The following NR1H4 variants were observed in gnomAD, a reference collection of about 807,000 sequenced individuals.
NR1H4 encodes bile acid receptor.
A neutral mutation model predicts 58.5 loss-of-function variants in NR1H4; 23 were observed. That is an observed-to-expected ratio of 0.39 (90% CI 0.28 to 0.56). NR1H4 has a LOEUF of 0.56. Among genes scored for constraint, NR1H4 ranks in the 20% least tolerant of loss-of-function variants. The pLI is 0.58. For missense variants in NR1H4, 487 were observed against 576.9 expected, an observed-to-expected ratio of 0.84 and a Z score of 1.60; for synonymous variants, 214 against 198.0, an observed-to-expected ratio of 1.08 and a Z score of -0.68.
intron 3 of NR1H4, among the ~76,000 whole-genome samples, chr12:100,508,195 G>A (rs945018228): frequency 5.3e-5 from 8 of 152,104 alleles, no homozygotes; most frequent in Admixed American, 6.6e-5. Flanking sequence ...TTAGTGAGAT[G>A]AAGCCCTGGA....
At position 100,558,082 on chromosome 12, in the gene NR1H4, C is replaced by T. The variant is rs558258455; in HGVS notation, c.1079-3803C>T. 2.0e-4 allele frequency among the ~76,000 whole-genome samples: 30 copies of T among 151,796 alleles called. No individual in the cohort carries two copies. The East Asian group carries it at 2.9e-3, about 15-fold the overall frequency. On this transcript the variant is annotated intron_variant, in intron 9 of 10. Transcript: ENST00000392986. The stretch of plus-strand genomic sequence containing the variant: ...TGTTTTTAGAGATAGCATCTTGGCC[C>T]GGGCGTGGTGGCTCACGCCTATAAT...
chr12:100,528,056 C>T (rs1316389693), intron 4 of NR1H4, among the ~76,000 whole-genome samples: 3 of 152,174 alleles, frequency 2.0e-5, no homozygotes, highest in Non-Finnish European at 4.4e-5. Flanking sequence ...TCTAGTTACT[C>T]ACCTCTGTGT....
intron 4 of NR1H4, among the ~76,000 whole-genome samples, chr12:100,513,919 A>G (rs1954197136): frequency 6.6e-6 from 1 of 152,244 alleles, no homozygotes; most frequent in African/African-American, 2.4e-5. Context: ...GAATTAAAAT[A>G]AACAAAAATA....
At chr12:100,536,688 A>G (rs1566465135) in intron 7 of NR1H4, 78 bp downstream of exon 7, 1 of 799,866 alleles carries the variant, frequency 1.3e-6, no homozygotes, top group Non-Finnish European at 2.2e-6. Flanking sequence ...GGTATAATTT[A>G]TATGTGAATA....
chr12:100,548,371 A>T (rs1221190992), intron 9 of NR1H4, among the ~76,000 whole-genome samples: 3 of 74,352 alleles, frequency 4.0e-5, no homozygotes, highest in Non-Finnish European at 6.7e-5. Context: ...CATCTCAATT[A>T]AAAAAAAAAA....
chr12:100,481,468 G>A lies in NR1H4; in HGVS notation c.-190+7409G>A, dbSNP rs371463347. 5.3e-5 allele frequency among the ~76,000 whole-genome samples: 8 copies of A among 152,124 alleles called. No homozygotes were observed. The East Asian group carries it at 1.2e-3, about 22-fold the overall frequency. ...GAAGAGAATTAACAACGGGAAATTCGCGAGATTAATTAAAACTATTTCCGG... is the reference window on the plus strand; with the variant it reads ...GAAGAGAATTAACAACGGGAAATTCACGAGATTAATTAAAACTATTTCCGG... On this transcript the variant is annotated intron_variant, in intron 1 of 10. Transcript: ENST00000392986.
chr12:100,542,233 G>C (rs1013150335), intron 9 of NR1H4, among the ~76,000 whole-genome samples: 6 of 152,122 alleles, frequency 3.9e-5, no homozygotes, highest in African/African-American at 1.4e-4. Flanking sequence ...TGTAATCCCA[G>C]TTACTCAGGA....
chr12:100,550,474 C>T (rs1434029534), intron 9 of NR1H4, among the ~76,000 whole-genome samples: 1 of 152,112 alleles, frequency 6.6e-6, no homozygotes. Context: ...AGGCAATTCT[C>T]CAGCCTCAGC....
intron 5 of NR1H4, among the ~76,000 whole-genome samples, chr12:100,534,173 G>A (rs552331056): frequency 2.6e-5 from 4 of 152,196 alleles, no homozygotes; most frequent in Non-Finnish European, 5.9e-5. Flanking sequence ...GATTACAGGC[G>A]TGAGCCACCG....
intron 1 of NR1H4, among the ~76,000 whole-genome samples, chr12:100,484,313 C>T (rs563936554): frequency 3.3e-5 from 5 of 152,142 alleles, no homozygotes; most frequent in East Asian, 1.9e-4. Flanking sequence ...CCAAGGTCTC[C>T]GATTGCAAAT....
At position 100,532,512 on chromosome 12, in the gene NR1H4, G is replaced by A. The variant is rs1409198059; in HGVS notation, c.500G>A (p.Gly167Asp). The stretch of plus-strand genomic sequence containing the variant: ...GCTGTGTACAAGTGTAAAAACGGGG[G>A]CAACTGTGTGATGGATATGTACATG... The part of the protein sequence containing the change: ...KNAVYKCKNG[G>D]NCVMDMYMRR... Residue 167 changes from glycine (G) to aspartate (D), a missense_variant, in exon 5 of 11, where the codon GGC (glycine) becomes GAC (aspartate). Coordinates refer to ENST00000392986, the MANE Select transcript of NR1H4 (RefSeq NM_001206979.2). 5 of 1,613,920 alleles carry A rather than the reference G, an allele frequency of 3.1e-6. No homozygotes were observed. The highest frequency in any genetic ancestry group is 4.2e-6 in the Non-Finnish European group (5 of 1,179,902).
intron 9 of NR1H4, among the ~76,000 whole-genome samples, chr12:100,544,924 T>G (rs372010319): frequency 1.1e-4 from 17 of 152,268 alleles, no homozygotes; most frequent in African/African-American, 3.9e-4. Context: ...GATATGGAAG[T>G]TCTGTTGTGT....
At chr12:100,516,079 C>T (rs1954258191) in intron 4 of NR1H4, among the ~76,000 whole-genome samples, 1 of 152,184 alleles carries the variant, frequency 6.6e-6, no homozygotes, top group South Asian at 2.1e-4. Context: ...GGCCACTCAT[C>T]TGGCCAAGCA....
chr12:100,532,406 T>C, intron 4 of NR1H4, 52 bp from the exon 5 acceptor site: 2 of 1,601,860 alleles, frequency 1.2e-6, no homozygotes, highest in Non-Finnish European at 8.6e-7. Context: ...CCTGTTTTTT[T>C]CCTGAGAAGC....
intron 1 of NR1H4, among the ~76,000 whole-genome samples, chr12:100,484,183 T>C (rs1953442543): frequency 6.6e-6 from 1 of 152,192 alleles, no homozygotes; most frequent in African/African-American, 2.4e-5. Flanking sequence ...CCAAGGATGA[T>C]GTCTTGATAT....
intron 1 of NR1H4, among the ~76,000 whole-genome samples, chr12:100,483,409 A>G (rs1953423198): frequency 6.6e-6 from 1 of 152,224 alleles, no homozygotes; most frequent in Non-Finnish European, 1.5e-5. Flanking sequence ...ATCACTAAAA[A>G]TCTATGTAGT....
rs34480475 is a variant in NR1H4, at chr12:100,510,607, TTATATATATATA to T, written c.80-154_80-143del. 9.7e-5 allele frequency among the ~76,000 whole-genome samples: 13 copies of T among 133,690 alleles called. No individual in the cohort carries two copies. The East Asian group carries it at 1.9e-3, about 19-fold the overall frequency. 87.7% of individuals were successfully genotyped at this position (133,690 alleles called of 152,430 possible). A position where few individuals can be genotyped will look rare whatever the true frequency, so the allele number is the denominator to read the frequency against. On this transcript the variant is annotated intron_variant, in intron 3 of 10. Coordinates refer to ENST00000392986, the MANE Select transcript of NR1H4 (RefSeq NM_001206979.2). ...TGAATTTTTAATTTGTCATTTAATT[TTATATATATATA>T]TATATATATATATATACTCTAAAGA...
rs1593107615 is a variant in NR1H4, at chr12:100,535,083, TGAGCTGGCCAGGA to T, written c.732+62_732+74del. 13 of 1,601,148 alleles carry T rather than the reference TGAGCTGGCCAGGA, an allele frequency of 8.1e-6. No individual in the cohort carries two copies. The East Asian group carries it at 2.7e-4, about 33-fold the overall frequency. On this transcript the variant is annotated intron_variant, in intron 6 of 10. Transcript: ENST00000392986. Reference sequence around the variant, plus strand: ...AGGAACTGAGTTTCTAGGTACATAGTGAGCTGGCCAGGAGGCTTTCAAATTAAAGCCACAGGCA... The same window carrying T: ...AGGAACTGAGTTTCTAGGTACATAGTGGCTTTCAAATTAAAGCCACAGGCA...
rs574925287 is a variant in NR1H4 at position 100,563,411 on chromosome 12, C to G, written c.1353C>G (p.His451Gln). Residue 451 changes from histidine to glutamine, a missense_variant, in exon 11 of 11, where the codon CAC (histidine) becomes CAG (glutamine). Coordinates refer to ENST00000392986, the MANE Select transcript of NR1H4 (RefSeq NM_001206979.2). ...LTELRTFNHH[H>Q]AEMLMSWRVN... is the part of the protein sequence containing the mutation. ...AATTACGGACATTCAATCATCACCA[C>G]GCTGAGATGCTGATGTCATGGAGAG... is the stretch of plus-strand genomic sequence containing the variant. The G allele has an allele frequency of 6.2e-7, 1 of 1,614,110 alleles. No individual in the cohort carries two copies. The highest frequency in any genetic ancestry group is 1.3e-5 in the African/African-American group (1 of 75,020).
Sources: allele counts gnomAD v4.1 joint callset (sites outside exome capture counted in the v4.1 genomes callset), GRCh38; gene constraint gnomAD v4.1.1; transcripts MANE v1.5; gene names NCBI Gene and HGNC (gene_info 2026-07-23, HGNC 2026-07-21).